MEGF9: variants seen among roughly 807,000 people sequenced by gnomAD.
MEGF9 encodes multiple epidermal growth factor-like domains protein 9.
In MEGF9, 6 loss-of-function variants were observed where a neutral mutation model predicts 46.8. The observed-to-expected ratio is 0.13, with a 90% confidence interval of 0.07 to 0.25. The LOEUF is 0.25. Among genes scored for constraint, MEGF9 ranks in the 10% least tolerant of loss-of-function variants. The pLI is 1.00. For missense variants in MEGF9, 683 were observed against 792.4 expected (o/e 0.86, Z 1.66); for synonymous variants, 302 against 330.7 (o/e 0.91, Z 0.94).
chr9:120,649,365 C>T (rs1361308957), intron 2 of MEGF9, among the ~76,000 whole-genome samples: 1 of 152,166 alleles, frequency 6.6e-6, no homozygotes, highest in Non-Finnish European at 1.5e-5. Context: ...GTGGAGTTTG[C>T]ATGTTCTCCC....
Position 120,714,050 on chromosome 9 carries a change from G to T in MEGF9, c.309C>A (p.Thr103=). ...ATSPAQSPET[T]PLWATAGPSS... ...AGGGTCCAGCAGTCGCCCAAAGAGG[G>T]GTGGTCTCCGGGGACTGGGCTGGAG... The change falls in exon 1 of 6, where the codon ACC becomes ACA. Residue 103 remains threonine, a synonymous_variant. Transcript: ENST00000373930. 5 of 1,306,736 alleles carry T rather than the reference G, an allele frequency of 3.8e-6. No homozygotes were observed. The highest frequency in any genetic ancestry group is 3.9e-6 in the Non-Finnish European group (4 of 1,025,204). 80.9% of individuals were successfully genotyped at this position (1,306,736 alleles called of 1,614,324 possible).
chr9:120,650,103 A>T (rs1485769973), intron 2 of MEGF9, among the ~76,000 whole-genome samples: 1 of 152,242 alleles, frequency 6.6e-6, no homozygotes. Context: ...CGTCTCTACT[A>T]AAAATACAAA....
intron 1 of MEGF9, among the ~76,000 whole-genome samples, chr9:120,674,218 G>T (rs1395417865): frequency 1.3e-5 from 2 of 152,112 alleles, no homozygotes; most frequent in African/African-American, 4.8e-5. Context: ...CATAGACTGG[G>T]AGAAAATACT....
intron 1 of MEGF9, among the ~76,000 whole-genome samples, chr9:120,672,620 C>T (rs575689675): frequency 6.6e-6 from 1 of 152,096 alleles, no homozygotes; most frequent in African/African-American, 2.4e-5. Context: ...GACCCTGTCT[C>T]AATAAATACA....
intron 1 of MEGF9, among the ~76,000 whole-genome samples, chr9:120,686,236 G>A (rs538435065): frequency 6.6e-6 from 1 of 152,160 alleles, no homozygotes; most frequent in Admixed American, 6.5e-5. Flanking sequence ...GACTACAGGT[G>A]CCCGCCACCA....
Position 120,601,699 on chromosome 9 carries a change from T to G in MEGF9, c.*3491A>C, listed in dbSNP as rs2043396807. ...CACAGGACCTTAGTATTAATATAAA[T>G]GAGCTTTAGTTTTCAAATGTCATTT... On this transcript the variant is annotated 3_prime_UTR_variant, in exon 6 of 6. Coordinates refer to ENST00000373930, the MANE Select transcript of MEGF9 (RefSeq NM_001080497.3). 2 of 152,274 alleles carry G rather than the reference T, an allele frequency of 1.3e-5. No homozygotes were observed. Among genetic ancestry groups the G allele is most frequent in the South Asian group, 4.1e-4 (2 of 4,820 alleles). 9.4% of individuals were successfully genotyped at this position (152,274 alleles called of 1,614,324 possible). A position where few individuals can be genotyped will look rare whatever the true frequency, so the allele number is the denominator to read the frequency against.
chr9:120,659,365 G>A lies in MEGF9; in HGVS notation c.803+9C>T, dbSNP rs753554927. 29 of 1,610,260 alleles carry A rather than the reference G, an allele frequency of 1.8e-5. No homozygotes were observed. In the South Asian group the frequency reaches 3.2e-4, roughly 18 times the overall value. ...AAAATAAACTTCAGTTCCACCCTCT[G>A]TTGCTTACCTGTTGCACGGTATGCT... On this transcript the variant is annotated intron_variant, in intron 2 of 5. Transcript: ENST00000373930.
intron 1 of MEGF9, among the ~76,000 whole-genome samples, chr9:120,668,514 C>T (rs767530046): frequency 2.0e-5 from 3 of 152,094 alleles, no homozygotes; most frequent in Non-Finnish European, 2.9e-5. Context: ...GCAACATAAC[C>T]CAGGTTTTGT....
chr9:120,711,023 T>C (rs899909411), intron 1 of MEGF9, among the ~76,000 whole-genome samples: 5 of 152,240 alleles, frequency 3.3e-5, no homozygotes, highest in African/African-American at 1.2e-4. Flanking sequence ...GTAAGTATAA[T>C]GTTAGTTCAT....
chr9:120,670,438 T>C, intron 1 of MEGF9, among the ~76,000 whole-genome samples: 1 of 152,338 alleles, frequency 6.6e-6, no homozygotes, highest in African/African-American at 2.4e-5. Context: ...TCCTCTACCG[T>C]GTTCCTAGAG....
chr9:120,691,297 ATAGT>A, intron 1 of MEGF9: 2 of 299,440 alleles, frequency 6.7e-6, no homozygotes, highest in South Asian at 5.5e-5. Flanking sequence ...CCATGGAGTG[ATAGT>A]TGGTTGTGCA....
chr9:120,620,196 C>T (rs1007143561), intron 3 of MEGF9, among the ~76,000 whole-genome samples: 2 of 152,162 alleles, frequency 1.3e-5, no homozygotes, highest in Admixed American at 1.3e-4. Context: ...ACAGTGGCCT[C>T]GTTGCCTTAA....
chr9:120,652,583 G>C (rs1587985006), intron 2 of MEGF9, among the ~76,000 whole-genome samples: 2 of 139,146 alleles, frequency 1.4e-5, no homozygotes, highest in African/African-American at 5.6e-5. Context: ...AGTCTAAGTG[G>C]ACACAGGCAC....
chr9:120,671,892 T>A (rs2043751010), intron 1 of MEGF9, among the ~76,000 whole-genome samples: 1 of 152,150 alleles, frequency 6.6e-6, no homozygotes, highest in African/African-American at 2.4e-5. Context: ...AAACAACAAA[T>A]TGAACCCAGC....
At chr9:120,622,587 T>C in intron 3 of MEGF9, 29 bp downstream of exon 3, 2 of 1,611,462 alleles carry the variant, frequency 1.2e-6, no homozygotes, top group Admixed American at 3.4e-5. Context: ...GTGGAATAAT[T>C]ACATGACAAA....
chr9:120,662,129 A>T (rs879271892), intron 1 of MEGF9, among the ~76,000 whole-genome samples: 1 of 152,214 alleles, frequency 6.6e-6, no homozygotes, highest in Non-Finnish European at 1.5e-5. Context: ...AAAGAATCCA[A>T]TTGAATTTAA....
At chr9:120,633,590 T>A (rs1261753740) in intron 2 of MEGF9, among the ~76,000 whole-genome samples, 1 of 152,106 alleles carries the variant, frequency 6.6e-6, no homozygotes, top group African/African-American at 2.4e-5. Flanking sequence ...GTCTCAATTT[T>A]AAAATTTTTG....
rs2043413724 is a variant in MEGF9 at position 120,604,925 on chromosome 9, G to C, written c.*265C>G. On this transcript the variant is annotated 3_prime_UTR_variant, in exon 6 of 6. Coordinates refer to ENST00000373930, the MANE Select transcript of MEGF9 (RefSeq NM_001080497.3). ...AAAGTGGTTTTGGGCTGCACTATGG[G>C]GTTCAGCCTTTCCATACTCCCATGT... The C allele has an allele frequency of 1.1e-5, 5 of 454,978 alleles. No homozygotes were observed. The South Asian group carries it at 1.5e-4, about 14-fold the overall frequency. The allele number at this position is 454,978 out of a possible 1,614,324, so 28.2% of individuals were successfully genotyped here. A position where few individuals can be genotyped will look rare whatever the true frequency, so the allele number is the denominator to read the frequency against.
intron 3 of MEGF9, among the ~76,000 whole-genome samples, chr9:120,621,631 C>T (rs1324475): frequency 0.41 from 62,854 of 152,002 alleles, 16,016 homozygotes; most frequent in South Asian, 0.68. Flanking sequence ...GACTCTAACA[C>T]CTAGATCACC....
Sources: allele counts gnomAD v4.1 joint callset (sites outside exome capture counted in the v4.1 genomes callset), GRCh38; gene constraint gnomAD v4.1.1; transcripts MANE v1.5; gene names NCBI Gene and HGNC (gene_info 2026-07-23, HGNC 2026-07-21).